CFD: variants seen among roughly 807,000 people sequenced by gnomAD.
CFD encodes complement factor D.
A neutral mutation model predicts 21.1 loss-of-function variants in CFD; 24 were observed. The observed-to-expected ratio is 1.14, with a 90% CI of 0.82 to 1.60. CFD has a LOEUF of 1.60. Among genes scored for constraint, CFD ranks in the 40% most tolerant of loss-of-function variants. The probability of loss-of-function intolerance (pLI) is 0.00; values close to 1 mark genes in which losing one functional copy is unlikely to be tolerated. For missense variants in CFD, 535 were observed against 383.3 expected (o/e 1.40, Z -3.31); for synonymous variants, 242 against 175.9 (o/e 1.38, Z -2.97).
At position 861,753 on chromosome 19, in the gene CFD, G is replaced by T; in HGVS notation, c.412G>T (p.Val138Leu). ...TGTGCGCCCCCTGCCCTGGCAGCGC[G>T]TGGACCGCGACGTGGCACCGGGAAC... Reference protein sequence around the residue: ...PAVRPLPWQRVDRDVAPGTLC... With the variant: ...PAVRPLPWQRLDRDVAPGTLC... Residue 138 changes from valine to leucine, a missense_variant, in exon 4 of 5, where the codon GTG (valine) becomes TTG (leucine). Transcript: ENST00000327726. 1 of 1,605,608 alleles carries T rather than the reference G, an allele frequency of 6.2e-7. No individual in the cohort carries two copies. Among genetic ancestry groups the T allele is most frequent in the East Asian group, 2.2e-5 (1 of 44,626 alleles).
intron 1 of CFD, 85 bp downstream of exon 1, chr19:859,829 C>CACCTGGCGGGG: frequency 9.4e-7 from 1 of 1,069,386 alleles, no homozygotes; most frequent in Non-Finnish European, 1.4e-6. Context: ...TCCTCCAGCC[C>CACCTGGCGGGG]CTCCAGGTGG....
chr19:863,495 A>G lies in CFD; in HGVS notation c.*257A>G. ...TGGGTGCTTGTAGTTCCAGCTACTC[A>G]GGAGGCTGAGGTGGGAGGATGACTT... On this transcript the variant is annotated 3_prime_UTR_variant, in exon 5 of 5. Transcript: ENST00000327726. The G allele has an allele frequency of 1.9e-6, 1 of 538,652 alleles. No homozygotes were observed. Among genetic ancestry groups the G allele is most frequent in the Non-Finnish European group, 3.4e-6 (1 of 296,278 alleles). 33.4% of individuals were successfully genotyped at this position (538,652 alleles called of 1,614,324 possible).
At position 859,726 on chromosome 19, in the gene CFD, CT is replaced by C; in HGVS notation, c.38del (p.Leu13GlnfsTer33). ...GGAGCGCCTGGCAGTTCTGGTCCTC[CT>C]AGGAGCGGCCGCCTGCGGTGAGGAG... ...SWERLAVLVLLGAAACAAPPR... is the reference protein window; with the variant it reads ...SWERLAVLVLXGAAACAAPPR... On this transcript the variant is annotated frameshift_variant, in exon 1 of 5. Transcript: ENST00000327726. LOFTEE classifies it high-confidence loss of function. The C allele has an allele frequency of 6.4e-7, 1 of 1,573,526 alleles. No individual in the cohort carries two copies. The highest frequency in any genetic ancestry group is 8.6e-7 in the Non-Finnish European group (1 of 1,159,830).
At position 863,326 on chromosome 19, in the gene CFD, T is replaced by C; in HGVS notation, c.*88T>C. 1.4e-6 allele frequency: 2 copies of C among 1,475,142 alleles called. No homozygotes were observed. Among genetic ancestry groups the C allele is most frequent in the Admixed American group, 3.9e-5 (2 of 50,832 alleles). The allele number at this position is 1,475,142 out of a possible 1,614,324, so 91.4% of individuals were successfully genotyped here. A position where few individuals can be genotyped will look rare whatever the true frequency, so the allele number is the denominator to read the frequency against. ...ACTCCTGCATCTGGTTGGTCTTTAT[T>C]GAGCACCTACTATATGCAGAAGGGG... On this transcript the variant is annotated 3_prime_UTR_variant, in exon 5 of 5. Transcript: ENST00000327726.
rs747665404 is a variant in CFD, at chr19:861,006, G to T, written c.357+1G>T. 2 of 1,597,752 alleles carry T rather than the reference G, an allele frequency of 1.3e-6. No homozygotes were observed. The highest frequency in any genetic ancestry group is 2.2e-5 in the South Asian group (2 of 90,924). On this transcript the variant is annotated splice_donor_variant, in intron 3 of 4. Transcript: ENST00000327726. LOFTEE classifies it high-confidence loss of function. ...CGACCACGACCTCCTGCTGCTACAG[G>T]TCGGCCCCGTGTAGCGCAGTCCCTC...
chr19:863,349 G>A lies in CFD; in HGVS notation c.*111G>A. The A allele has an allele frequency of 7.7e-7, 1 of 1,302,778 alleles. No individual in the cohort carries two copies. The highest frequency in any genetic ancestry group is 1.3e-5 in the South Asian group (1 of 79,206). The allele number at this position is 1,302,778 out of a possible 1,614,324, so 80.7% of individuals were successfully genotyped here. On this transcript the variant is annotated 3_prime_UTR_variant, in exon 5 of 5. Coordinates refer to ENST00000327726, the MANE Select transcript of CFD (RefSeq NM_001928.4). ...ATTGAGCACCTACTATATGCAGAAGGGGAGGCCGAGGTGGGAGGATCATTG... is the reference window on the plus strand; with the variant it reads ...ATTGAGCACCTACTATATGCAGAAGAGGAGGCCGAGGTGGGAGGATCATTG...
rs758677702 is a variant in CFD at position 860,934 on chromosome 19, G to A, written c.286G>A (p.Asp96Asn). The change falls in exon 3 of 5, where the codon GAC becomes AAC. Residue 96 changes from aspartate (D) to asparagine (N), a missense_variant. Physicochemically the swap from Asp to Asn is conservative, Grantham distance 23. Transcript: ENST00000327726. The stretch of plus-strand genomic sequence containing the variant: ...GCCGGAGCCCTCCAAGCGCCTGTAC[G>A]ACGTGCTCCGCGCAGTGCCCCACCC... ...SQPEPSKRLY[D>N]VLRAVPHPDS... The A allele has an allele frequency of 1.2e-6, 2 of 1,601,182 alleles. No individual in the cohort carries two copies. Among genetic ancestry groups the A allele is most frequent in the Non-Finnish European group, 1.7e-6 (2 of 1,179,210 alleles).
rs761662800 is a variant in CFD at position 861,932 on chromosome 19, G to C, written c.591G>C (p.Glu197Asp). 3.2e-6 allele frequency: 5 copies of C among 1,560,166 alleles called. No individual in the cohort carries two copies. In the South Asian group the frequency reaches 4.6e-5, roughly 14 times the overall value. Residue 197 changes from glutamate (E) to aspartate (D), a missense_variant, in exon 4 of 5, where the codon GAG becomes GAC. By Grantham distance (45) the Glu-to-Asp change is conservative (BLOSUM62 2). Transcript: ENST00000327726. ...TCACCGAGCGCTTGATGTGCGCGGA[G>C]AGCAATCGCCGGGACAGCTGCAAGG... is the stretch of plus-strand genomic sequence containing the variant. ...GAITERLMCA[E>D]SNRRDSCKGD...
Position 860,934 on chromosome 19 carries a change from G to T in CFD, c.286G>T (p.Asp96Tyr), listed in dbSNP as rs758677702. 39 of 1,601,182 alleles carry T rather than the reference G, an allele frequency of 2.4e-5. 1 individual carries two copies. The South Asian group carries it at 4.3e-4, about 18-fold the overall frequency. The part of the protein sequence containing the change: ...SQPEPSKRLY[D>Y]VLRAVPHPDS... ...GCCGGAGCCCTCCAAGCGCCTGTAC[G>T]ACGTGCTCCGCGCAGTGCCCCACCC... The change falls in exon 3 of 5, where the codon GAC (aspartate) becomes TAC (tyrosine). Residue 96 changes from aspartate (D) to tyrosine (Y), a missense_variant. Coordinates refer to ENST00000327726, the MANE Select transcript of CFD (RefSeq NM_001928.4).
intron 4 of CFD, 144 bp downstream of exon 4, chr19:862,100 G>A: frequency 1.6e-6 from 2 of 1,226,568 alleles, no homozygotes; most frequent in Non-Finnish European, 2.1e-6. Context: ...AAGATGGGCG[G>A]AGCATGAGGG....
rs771429111 is a variant in CFD, at chr19:861,008, C to A, written c.357+3C>A. ...ACCACGACCTCCTGCTGCTACAGGT[C>A]GGCCCCGTGTAGCGCAGTCCCTCCT... On this transcript the variant is annotated splice_donor_region_variant and intron_variant, in intron 3 of 4. Transcript: ENST00000327726. The A allele has an allele frequency of 6.3e-7, 1 of 1,597,626 alleles. No homozygotes were observed. Among genetic ancestry groups the A allele is most frequent in the Non-Finnish European group, 8.5e-7 (1 of 1,179,226 alleles).
In CFD at chr19:861,714, A is replaced by G. The variant is rs978167123; in HGVS notation, c.373A>G (p.Thr125Ala). ...LLLLQLSEKA[T>A]LGPAVRPLPW... is the part of the protein sequence containing the mutation. ...CCACCCTCAGCTGTCGGAGAAGGCC[A>G]CACTGGGCCCTGCTGTGCGCCCCCT... The change falls in exon 4 of 5, where the codon ACA becomes GCA. Residue 125 changes from threonine (T) to alanine (A), a missense_variant. Thr to Ala is a moderately conservative substitution (Grantham distance 58). Transcript: ENST00000327726. 2 of 1,602,594 alleles carry G rather than the reference A, an allele frequency of 1.2e-6. No individual in the cohort carries two copies. Among genetic ancestry groups the G allele is most frequent in the African/African-American group, 2.7e-5 (2 of 74,270 alleles).
At chr19:860,544 T>C in intron 1 of CFD, 73 bp from the exon 2 acceptor site, 1 of 1,320,952 alleles carries the variant, frequency 7.6e-7, no homozygotes, top group Non-Finnish European at 9.7e-7. Context: ...GGGTGAGAGC[T>C]GGGATCCCGT....
In CFD at chr19:860,786, G is replaced by A. The variant is rs1245595648; in HGVS notation, c.212+13G>A. On this transcript the variant is annotated intron_variant, in intron 2 of 4. Transcript: ENST00000327726. ...GCCTGGAGGACGCGTGAGTGCCCGC[G>A]CCGCGCGGGGGAAGAGCCCGGGTGC... 6.4e-7 allele frequency: 1 copy of A among 1,561,052 alleles called. No individual in the cohort carries two copies. Among genetic ancestry groups the A allele is most frequent in the Non-Finnish European group, 8.6e-7 (1 of 1,161,956 alleles).
intron 3 of CFD, 28 bp from the exon 4 acceptor site, chr19:861,671 C>T: frequency 6.3e-7 from 1 of 1,582,798 alleles, no homozygotes; most frequent in Non-Finnish European, 8.6e-7. Context: ...CCCCGCACCC[C>T]AACCCTGACG....
At chr19:860,527 G>GC in intron 1 of CFD, 90 bp from the exon 2 acceptor site, 2 of 1,295,596 alleles carry the variant, frequency 1.5e-6, no homozygotes, top group Non-Finnish European at 2.0e-6. Flanking sequence ...GCGGGGAGCG[G>GC]CCTGGGGGGT....
chr19:861,642 A>C, intron 3 of CFD, 57 bp from the exon 4 acceptor site: 1 of 1,495,100 alleles, frequency 6.7e-7, no homozygotes, highest in Non-Finnish European at 8.9e-7. Flanking sequence ...GCCTAGCGGC[A>C]TTCTCCCCAG....
At position 863,503 on chromosome 19, in the gene CFD, G is replaced by A. The variant is rs1241724803; in HGVS notation, c.*265G>A. ...TGTAGTTCCAGCTACTCAGGAGGCT[G>A]AGGTGGGAGGATGACTTGAACGCAG... On this transcript the variant is annotated 3_prime_UTR_variant, in exon 5 of 5. Transcript: ENST00000327726. 2 of 528,540 alleles carry A rather than the reference G, an allele frequency of 3.8e-6. No homozygotes were observed. The highest frequency in any genetic ancestry group is 6.2e-5 in the Admixed American group (2 of 32,152). 32.7% of individuals were successfully genotyped at this position (528,540 alleles called of 1,614,324 possible).
rs116135466 is a variant in CFD at position 861,021 on chromosome 19, C to T, written c.357+16C>T. 5 of 1,595,420 alleles carry T rather than the reference C, an allele frequency of 3.1e-6. No homozygotes were observed. The highest frequency in any genetic ancestry group is 2.7e-5 in the African/African-American group (2 of 74,114). ...GCTGCTACAGGTCGGCCCCGTGTAG[C>T]GCAGTCCCTCCTGCGGCGCTGGGAT... On this transcript the variant is annotated intron_variant, in intron 3 of 4. Transcript: ENST00000327726.
Sources: allele counts gnomAD v4.1 joint callset, GRCh38; gene constraint gnomAD v4.1.1; transcripts MANE v1.5; gene names NCBI Gene and HGNC (gene_info 2026-07-23, HGNC 2026-07-21).